Variants in PYHIN1 observed in about 807,000 individuals in gnomAD.
The protein encoded by PYHIN1 is pyrin and HIN domain-containing protein 1.
A neutral mutation model predicts 43.7 loss-of-function variants in PYHIN1; 32 were observed. The ratio of observed to expected loss-of-function variants is 0.73; its 90% CI spans 0.55 to 0.98. The LOEUF (loss-of-function observed/expected upper bound fraction) is 0.98, where lower values mean the gene tolerates loss of function less well. Among genes scored for constraint, PYHIN1 ranks in the 50% least tolerant of loss-of-function variants. The pLI is 0.00. For missense variants in PYHIN1, 588 were observed against 589.5 expected, an observed-to-expected ratio of 1.00 and a Z score of 0.03; for synonymous variants, 205 against 203.1, an observed-to-expected ratio of 1.01 and a Z score of -0.08.
At chr1:158,983,628 G>T in the PYHIN1 span, among the ~76,000 whole-genome samples, 1 of 151,790 alleles carries the variant, frequency 6.6e-6, no homozygotes, top group Non-Finnish European at 1.5e-5. Context: ...GTCAGGTTTT[G>T]GTATCAGAAT....
chr1:158,969,926 C>T (rs1226179506), intron 7 of PYHIN1, among the ~76,000 whole-genome samples: 1 of 151,930 alleles, frequency 6.6e-6, no homozygotes, highest in Non-Finnish European at 1.5e-5. Flanking sequence ...TATCATGGAC[C>T]TTTTCTGCTT....
Position 158,945,005 on chromosome 1 carries a change from T to C in PYHIN1, c.1322T>C (p.Met441Thr). Residue 441 changes from methionine to threonine, a missense_variant, in exon 7 of 9, where the codon ATG (methionine) becomes ACG (threonine). Transcript: ENST00000368140. ...GAAAGCCATCTCAAGACTCCTCAGA[T>C]GCCACCAACAACCCCATCCAGCAGT... ...LPESHLKTPQ[M>T]PPTTPSSSSF... The C allele has an allele frequency of 6.2e-7, 1 of 1,613,874 alleles. No homozygotes were observed. The highest frequency in any genetic ancestry group is 1.1e-5 in the South Asian group (1 of 91,058).
chr1:158,959,525 G>C (rs1020782888), intron 7 of PYHIN1, among the ~76,000 whole-genome samples: 3 of 150,846 alleles, frequency 2.0e-5, no homozygotes. Context: ...AAGGTAAGAA[G>C]TAGGCTGCTT....
chr1:158,973,797 G>A (rs1440738759), intron 8 of PYHIN1, 26 bp downstream of exon 8: 1 of 1,611,228 alleles, frequency 6.2e-7, no homozygotes, highest in Admixed American at 1.7e-5. Context: ...TTGCATTGCT[G>A]TACCTCTAAA....
At chr1:158,964,128 GA>G (rs1557840945) in intron 7 of PYHIN1, among the ~76,000 whole-genome samples, 1 of 151,894 alleles carries the variant, frequency 6.6e-6, no homozygotes, top group Non-Finnish European at 1.5e-5. Context: ...ATAACCTGAG[GA>G]AAAAACCTCA....
intron 3 of PYHIN1, 104 bp downstream of exon 3, chr1:158,938,646 C>A: frequency 8.4e-7 from 1 of 1,184,462 alleles, no homozygotes. Flanking sequence ...TCATATGTTT[C>A]CCATCAAGTT....
At chr1:158,958,192 G>C (rs1473021750) in intron 7 of PYHIN1, among the ~76,000 whole-genome samples, 3 of 151,746 alleles carry the variant, frequency 2.0e-5, no homozygotes, top group African/African-American at 7.3e-5. Flanking sequence ...GTGGAAGTCA[G>C]TGTGGCGATT....
Position 158,952,392 on chromosome 1 carries a change from A to C in PYHIN1, c.1359+7350A>C, listed in dbSNP as rs200299295. Among the ~76,000 whole-genome samples, 36 of 141,554 alleles carry C rather than the reference A, an allele frequency of 2.5e-4. No homozygotes were observed. The South Asian group carries it at 7.7e-3, about 30-fold the overall frequency. 92.9% of individuals were successfully genotyped at this position (141,554 alleles called of 152,430 possible). ...TTTTTATAAGCGTTAAAAAAAAAAA[A>C]TGGGTTTATGATTGCCTCGTTGATC... On this transcript the variant is annotated intron_variant, in intron 7 of 8. Coordinates refer to ENST00000368140, the MANE Select transcript of PYHIN1 (RefSeq NM_152501.5).
At chr1:158,972,167 T>A (rs1650969561) in intron 7 of PYHIN1, among the ~76,000 whole-genome samples, 1 of 151,934 alleles carries the variant, frequency 6.6e-6, no homozygotes, top group South Asian at 2.1e-4. Context: ...AAGTGTATAG[T>A]CTGCATAGGT....
intron 7 of PYHIN1, among the ~76,000 whole-genome samples, chr1:158,958,499 C>T (rs1267820093): frequency 2.0e-5 from 3 of 146,630 alleles, no homozygotes; most frequent in Non-Finnish European, 4.5e-5. Flanking sequence ...AGTAAACTAT[C>T]GCAAGAACAA....
chr1:158,977,077 TTAATC>T (rs1651321706), downstream of PYHIN1: 1 of 153,606 alleles, frequency 6.5e-6, no homozygotes, highest in African/African-American at 2.4e-5. Context: ...AGGAGTTTCT[TTAATC>T]TATCTGTGAG....
chr1:158,988,773 T>G, the PYHIN1 span, among the ~76,000 whole-genome samples: 1 of 152,152 alleles, frequency 6.6e-6, no homozygotes, highest in African/African-American at 2.4e-5. Context: ...GAAGAGAAAA[T>G]TTTTTGAGAA....
chr1:158,964,727 A>G (rs115290394), intron 7 of PYHIN1, among the ~76,000 whole-genome samples: 1,588 of 152,334 alleles, frequency 0.01, 36 homozygotes, highest in African/African-American at 0.037. Flanking sequence ...TATAAGAGAT[A>G]CTGAAAGGAA....
At chr1:158,949,574 T>A (rs4512646) in intron 7 of PYHIN1, among the ~76,000 whole-genome samples, 14,515 of 134,780 alleles carry the variant, frequency 0.11, 888 homozygotes, top group Middle Eastern at 0.13. Context: ...GATGTTCCCC[T>A]TCCTGTGTCC....
chr1:158,989,994 A>T, the PYHIN1 span, among the ~76,000 whole-genome samples: 10 of 150,630 alleles, frequency 6.6e-5, no homozygotes, highest in African/African-American at 2.5e-4. Flanking sequence ...GCTATTAAGA[A>T]CACAATAGAA....
chr1:158,939,730 T>G, intron 4 of PYHIN1: 1 of 568,100 alleles, frequency 1.8e-6, no homozygotes, highest in Non-Finnish European at 3.2e-6. Context: ...CTGTAACAGG[T>G]TAAATCTTCA....
the PYHIN1 span, among the ~76,000 whole-genome samples, chr1:158,982,927 T>C: frequency 3.3e-5 from 5 of 152,264 alleles, no homozygotes; most frequent in Admixed American, 2.6e-4. Context: ...TGTTCTTGGT[T>C]TGGCTTTCAG....
chr1:158,959,226 A>G (rs1251342231), intron 7 of PYHIN1, among the ~76,000 whole-genome samples: 2 of 152,168 alleles, frequency 1.3e-5, no homozygotes, highest in African/African-American at 4.8e-5. Context: ...TCTGCCTGTC[A>G]GCTGAGCTAA....
chr1:158,959,956 G>A (rs1416493563), intron 7 of PYHIN1, among the ~76,000 whole-genome samples: 2 of 152,094 alleles, frequency 1.3e-5, no homozygotes, highest in African/African-American at 2.4e-5. Flanking sequence ...ATGGTGAAAG[G>A]GCAGGAAACT....
Sources: allele counts gnomAD v4.1 joint callset (sites outside exome capture counted in the v4.1 genomes callset), GRCh38; gene constraint gnomAD v4.1.1; transcripts MANE v1.5; gene names NCBI Gene and HGNC (gene_info 2026-07-23, HGNC 2026-07-21).